Variants in ZNF875 observed in about 807,000 individuals in gnomAD.
ZNF875 encodes zinc finger protein 875, also known as HKR1, GLI-Kruppel zinc finger family member.
ZNF875 carries 14 observed loss-of-function variants against 11.2 expected under a neutral mutation model. That is an observed-to-expected ratio of 1.26 (90% CI 0.83 to 1.96). ZNF875 has a LOEUF of 1.96. ZNF875 is among the 30% of genes most tolerant of loss of function. ZNF875 has a pLI of 0.00. For missense variants in ZNF875, 752 were observed against 760.4 expected, an observed-to-expected ratio of 0.99 and a Z score of 0.13; for synonymous variants, 301 against 281.1, an observed-to-expected ratio of 1.07 and a Z score of -0.71.
intron 2 of ZNF875, among the ~76,000 whole-genome samples, chr19:37,345,661 A>C (rs1384444649): frequency 6.6e-6 from 1 of 152,238 alleles, no homozygotes; most frequent in Non-Finnish European, 1.5e-5. Context: ...CAGGGTGGTC[A>C]GATTTATGGA....
At chr19:37,314,713 T>G (rs1014694624), upstream of ZNF875, among the ~76,000 whole-genome samples, 6 of 143,776 alleles carry the variant, frequency 4.2e-5, no homozygotes, top group Non-Finnish European at 7.5e-5. Context: ...ATCGTGCCAC[T>G]GCACTCCAGT....
chr19:37,359,986 A>G (rs999319105), intron 4 of ZNF875, among the ~76,000 whole-genome samples: 2 of 152,212 alleles, frequency 1.3e-5, no homozygotes, highest in Non-Finnish European at 2.9e-5. Flanking sequence ...TGTTGTAACT[A>G]AGAACTTTAT....
At chr19:37,326,214 G>A (rs1403922125) in intron 4 of ZNF875, among the ~76,000 whole-genome samples, 5 of 152,096 alleles carry the variant, frequency 3.3e-5, no homozygotes, top group Non-Finnish European at 5.9e-5. Context: ...TCTCAGGTTG[G>A]ACTAGCCATC....
chr19:37,314,545 C>G (rs1271501155), upstream of ZNF875, among the ~76,000 whole-genome samples: 1 of 152,054 alleles, frequency 6.6e-6, no homozygotes, highest in Non-Finnish European at 1.5e-5. Context: ...CAATCTTGGA[C>G]TGGGTATGGT....
At chr19:37,350,359 G>A (rs1216189949) in intron 4 of ZNF875, among the ~76,000 whole-genome samples, 1 of 151,732 alleles carries the variant, frequency 6.6e-6, no homozygotes, top group African/African-American at 2.4e-5. Context: ...CCAAAGTGCT[G>A]GGATTACAGG....
At chr19:37,332,877 A>T (rs1476527153), upstream of ZNF875, among the ~76,000 whole-genome samples, 4 of 152,214 alleles carry the variant, frequency 2.6e-5, no homozygotes, top group Non-Finnish European at 4.4e-5. Context: ...GACTCCTTAA[A>T]GCACAGATAA....
intron 4 of ZNF875, among the ~76,000 whole-genome samples, chr19:37,355,899 C>T (rs1437504053): frequency 6.6e-6 from 1 of 152,114 alleles, no homozygotes; most frequent in Non-Finnish European, 1.5e-5. Flanking sequence ...TTACATAGTA[C>T]CTGATAGGTA....
At chr19:37,356,022 A>G (rs997572580) in intron 4 of ZNF875, among the ~76,000 whole-genome samples, 4 of 152,152 alleles carry the variant, frequency 2.6e-5, no homozygotes, top group East Asian at 1.9e-4. Flanking sequence ...TTGTGAGAAC[A>G]TAGGTTATTT....
rs1423379005 is a variant in ZNF875, at chr19:37,335,253, A to G, written c.29A>G (p.Lys10Arg). Reference sequence around the variant, plus strand: ...GCCACAGGGCTCCTGAGAGCCAAAAAAGAGGTGAGAATTAACTGTAATTCT... The same window carrying G: ...GCCACAGGGCTCCTGAGAGCCAAAAGAGAGGTGAGAATTAACTGTAATTCT... MATGLLRAK[K>R]EAFVAFRDVA... Residue 10 changes from lysine to arginine, a missense_variant, in exon 2 of 5, where the codon AAA (lysine) becomes AGA (arginine). By Grantham distance (26) the Lys-to-Arg change is conservative (BLOSUM62 2). Coordinates refer to ENST00000392153, the MANE Select transcript of ZNF875 (RefSeq NM_001353803.2). 1 of 701,072 alleles carries G rather than the reference A, an allele frequency of 1.4e-6. No individual in the cohort carries two copies. The highest frequency in any genetic ancestry group is 2.7e-5 in the East Asian group (1 of 37,180). The allele number at this position is 701,072 out of a possible 1,614,324, so 43.4% of individuals were successfully genotyped here.
intron 2 of ZNF875, 182 bp from the exon 3 acceptor site, chr19:37,347,008 G>A (rs765996977): frequency 3.2e-6 from 2 of 616,054 alleles, no homozygotes; most frequent in Admixed American, 2.9e-5. Flanking sequence ...GTAGAGACGG[G>A]GTTTCTCCAT....
In ZNF875 at chr19:37,363,328, C is replaced by T. The variant is rs201417458; in HGVS notation, c.1476C>T (p.Thr492=). 12 of 1,610,736 alleles carry T rather than the reference C, an allele frequency of 7.5e-6. No individual in the cohort carries two copies. The highest frequency in any genetic ancestry group is 6.7e-5 in the East Asian group (3 of 44,750). ...ECGRGFTRKS[T]LSTHQRTHSG... ...GGCGAGGCTTTACCCGGAAATCAACCCTGAGCACGCACCAGAGGACACACT... is the reference window on the plus strand; with the variant it reads ...GGCGAGGCTTTACCCGGAAATCAACTCTGAGCACGCACCAGAGGACACACT... The change falls in exon 5 of 5, where the codon ACC becomes ACT. Residue 492 remains threonine, a synonymous_variant. Transcript: ENST00000392153.
At chr19:37,337,825 C>T (rs1411561288) in intron 2 of ZNF875, 1 of 152,130 alleles carries the variant, frequency 6.6e-6, no homozygotes, top group Non-Finnish European at 1.5e-5. Flanking sequence ...CATTAAGCAC[C>T]AACACAGTTG....
intron 1 of ZNF875, among the ~76,000 whole-genome samples, chr19:37,318,850 C>T (rs566652551): frequency 6.6e-6 from 1 of 152,000 alleles, no homozygotes; most frequent in Admixed American, 6.6e-5. Context: ...TGGAAAATTT[C>T]TGTGAAAGGC....
chr19:37,352,725 A>G (rs1222068730), intron 4 of ZNF875, among the ~76,000 whole-genome samples: 2 of 152,058 alleles, frequency 1.3e-5, no homozygotes, highest in East Asian at 3.9e-4. Context: ...TGAATGCATT[A>G]GCACTCAAAT....
At chr19:37,359,409 C>CTTTTTT in intron 4 of ZNF875, 1 of 188,484 alleles carries the variant, frequency 5.3e-6, no homozygotes, top group Non-Finnish European at 1.1e-5. Context: ...ATAGTCTTTT[C>CTTTTTT]TTTTTTTTTT....
At chr19:37,352,277 C>T (rs2038044843) in intron 4 of ZNF875, among the ~76,000 whole-genome samples, 1 of 151,516 alleles carries the variant, frequency 6.6e-6, no homozygotes, top group African/African-American at 2.4e-5. Context: ...AGTGCAGTGG[C>T]ACTTTCTCGG....
rs755519505 is a variant in ZNF875 at position 37,362,407 on chromosome 19, G to A, written c.555G>A (p.Gln185=). ...KALSSPPEEQ[Q]PAQSKEDNTV... ...TTTCCAGCCCACCTGAAGAACAACAGCCAGCACAGTCCAAGGAAGACAACA... is the reference window on the plus strand; with the variant it reads ...TTTCCAGCCCACCTGAAGAACAACAACCAGCACAGTCCAAGGAAGACAACA... Residue 185 remains glutamine, a synonymous_variant, in exon 5 of 5, where the codon CAG becomes CAA. Transcript: ENST00000392153. 5.0e-6 allele frequency: 8 copies of A among 1,614,022 alleles called. No individual in the cohort carries two copies. The highest frequency in any genetic ancestry group is 5.9e-6 in the Non-Finnish European group (7 of 1,180,042).
At chr19:37,335,301 G>A (rs1442351757) in intron 2 of ZNF875, 44 bp downstream of exon 2, 1 of 678,354 alleles carries the variant, frequency 1.5e-6, no homozygotes, top group East Asian at 2.7e-5. Flanking sequence ...AACAGAATGG[G>A]TCCCATTACC....
At chr19:37,361,107 T>C (rs1392870148) in intron 4 of ZNF875, among the ~76,000 whole-genome samples, 3 of 143,244 alleles carry the variant, frequency 2.1e-5, no homozygotes, top group Non-Finnish European at 4.5e-5. Context: ...GTTTGTCTTC[T>C]CCTTTTTTTT....
Sources: allele counts gnomAD v4.1 joint callset (sites outside exome capture counted in the v4.1 genomes callset), GRCh38; gene constraint gnomAD v4.1.1; transcripts MANE v1.5; gene names NCBI Gene and HGNC (gene_info 2026-07-23, HGNC 2026-07-21).